Variants in BICC1 observed in about 807,000 individuals in gnomAD.
The protein encoded by BICC1 is BicC family RNA binding protein 1, also known as protein bicaudal C homolog 1.
Under a neutral mutation model 111.0 loss-of-function variants are expected in BICC1, and 43 were observed. The ratio of observed to expected loss-of-function variants is 0.39; its 90% confidence interval spans 0.30 to 0.50. The LOEUF (loss-of-function observed/expected upper bound fraction) is 0.50, where lower values mean the gene tolerates loss of function less well. Ranked by LOEUF, BICC1 falls within the 20% of genes least tolerant of loss-of-function variation. BICC1 has a pLI of 0.88. For missense variants in BICC1, 1,091 were observed against 1,203.2 expected (o/e 0.91, Z 1.38); for synonymous variants, 467 against 434.4 (o/e 1.07, Z -0.93).
intron 3 of BICC1, among the ~76,000 whole-genome samples, chr10:58,754,271 G>A (rs1465931863): frequency 2.0e-5 from 3 of 152,070 alleles, no homozygotes; most frequent in African/African-American, 7.2e-5. Flanking sequence ...TTAGTGTGTT[G>A]GAAATTTAGA....
intron 1 of BICC1, among the ~76,000 whole-genome samples, chr10:58,516,139 T>G (rs999482727): frequency 2.0e-5 from 3 of 152,194 alleles, no homozygotes; most frequent in African/African-American, 7.2e-5. Context: ...TTGGGTGTGC[T>G]ATTTTTCTAT....
chr10:58,707,432 G>A (rs866726868), intron 3 of BICC1, among the ~76,000 whole-genome samples: 12 of 151,992 alleles, frequency 7.9e-5, no homozygotes, highest in Admixed American at 3.3e-4. Flanking sequence ...CAACCTATTC[G>A]TGTGTCAGGT....
chr10:58,770,595 A>G (rs1374436423), intron 3 of BICC1, among the ~76,000 whole-genome samples: 1 of 152,194 alleles, frequency 6.6e-6, no homozygotes, highest in African/African-American at 2.4e-5. Flanking sequence ...CATAAAAAAA[A>G]ACACAAACAC....
intron 1 of BICC1, among the ~76,000 whole-genome samples, chr10:58,580,385 T>C (rs1369722007): frequency 6.6e-6 from 1 of 152,140 alleles, no homozygotes; most frequent in Non-Finnish European, 1.5e-5. Flanking sequence ...AAATTTGAAG[T>C]TCTCTAAAAT....
intron 1 of BICC1, among the ~76,000 whole-genome samples, chr10:58,611,803 T>C (rs1845432959): frequency 6.6e-6 from 1 of 152,126 alleles, no homozygotes; most frequent in Non-Finnish European, 1.5e-5. Flanking sequence ...ACATTCTGTT[T>C]TATACTTTAA....
intron 1 of BICC1, among the ~76,000 whole-genome samples, chr10:58,589,750 C>T (rs1589123507): frequency 1.3e-5 from 2 of 152,138 alleles, no homozygotes; most frequent in Non-Finnish European, 2.9e-5. Context: ...AATAGGATTA[C>T]AGGCATGAGC....
intron 20 of BICC1, among the ~76,000 whole-genome samples, chr10:58,824,867 A>G (rs1012506213): frequency 2.0e-5 from 3 of 152,160 alleles, no homozygotes; most frequent in African/African-American, 7.2e-5. Context: ...GTGTACTTGC[A>G]TGAGTTTGTC....
intron 1 of BICC1, among the ~76,000 whole-genome samples, chr10:58,559,626 T>A (rs1843549218): frequency 6.6e-6 from 1 of 152,156 alleles, no homozygotes; most frequent in Non-Finnish European, 1.5e-5. Context: ...AGTACTATGT[T>A]GAATGTGAGT....
chr10:58,518,111 C>T (rs903051083), intron 1 of BICC1, among the ~76,000 whole-genome samples: 6 of 152,066 alleles, frequency 3.9e-5, no homozygotes, highest in Admixed American at 1.3e-4. Flanking sequence ...TTGCTCAGGA[C>T]GAGAGGGCTT....
chr10:58,742,656 T>C (rs777927572), intron 3 of BICC1, among the ~76,000 whole-genome samples: 4 of 152,066 alleles, frequency 2.6e-5, no homozygotes, highest in South Asian at 4.1e-4. Flanking sequence ...CAGTCTGGTC[T>C]TGAACTCCTG....
chr10:58,716,193 A>G (rs1589054606), intron 3 of BICC1: 24 of 1,500,114 alleles, frequency 1.6e-5, no homozygotes, highest in Non-Finnish European at 2.2e-5. Context: ...GCAGTGAAGA[A>G]CGAGAAAAAG....
chr10:58,517,097 A>T (rs970715678), intron 1 of BICC1, among the ~76,000 whole-genome samples: 5 of 152,214 alleles, frequency 3.3e-5, no homozygotes, highest in African/African-American at 1.2e-4. Context: ...TTTAAAAAAA[A>T]TTTCCCATAT....
At chr10:58,520,627 A>G (rs1168610956) in intron 1 of BICC1, among the ~76,000 whole-genome samples, 5 of 152,182 alleles carry the variant, frequency 3.3e-5, no homozygotes, top group Non-Finnish European at 7.4e-5. Flanking sequence ...ATTAGTCTGC[A>G]TATTGAGTTG....
rs558502138 is a variant in BICC1 at position 58,789,484 on chromosome 10, C to T, written c.795+28C>T. On this transcript the variant is annotated intron_variant, in intron 7 of 20. Coordinates refer to ENST00000373886, the MANE Select transcript of BICC1 (RefSeq NM_001080512.3). ...AAATTATTCAGATAATTCTGCACATCCTATATGTACAAGTTACATGAGTTT... is the reference window on the plus strand; with the variant it reads ...AAATTATTCAGATAATTCTGCACATTCTATATGTACAAGTTACATGAGTTT... The T allele has an allele frequency of 1.4e-5, 22 of 1,571,094 alleles. No homozygotes were observed. The South Asian group carries it at 2.4e-4, about 17-fold the overall frequency.
intron 2 of BICC1, among the ~76,000 whole-genome samples, chr10:58,628,252 A>T (rs1005871223): frequency 6.6e-6 from 1 of 152,210 alleles, no homozygotes; most frequent in African/African-American, 2.4e-5. Flanking sequence ...GATAGATTGA[A>T]GTTGTTAATG....
intron 3 of BICC1, among the ~76,000 whole-genome samples, chr10:58,752,805 A>T (rs550362159): frequency 9.2e-5 from 14 of 152,178 alleles, no homozygotes; most frequent in Non-Finnish European, 1.6e-4. Context: ...CAGAAAACCC[A>T]ACCAGTAGTA....
intron 1 of BICC1, among the ~76,000 whole-genome samples, chr10:58,580,306 G>A (rs1421955282): frequency 1.3e-5 from 2 of 152,170 alleles, no homozygotes; most frequent in Admixed American, 1.3e-4. Flanking sequence ...TTACAGGTGT[G>A]AGCCACTTTG....
chr10:58,819,071 A>C (rs976780797), intron 19 of BICC1, among the ~76,000 whole-genome samples: 15 of 152,158 alleles, frequency 9.9e-5, no homozygotes, highest in African/African-American at 3.6e-4. Flanking sequence ...CTGTAGGCCA[A>C]CTGCCTGATT....
At chr10:58,810,580 T>G (rs952638004) in intron 17 of BICC1, among the ~76,000 whole-genome samples, 8 of 152,062 alleles carry the variant, frequency 5.3e-5, no homozygotes. Context: ...CATAGCATGG[T>G]CTGATTTTCT....
Sources: allele counts gnomAD v4.1 joint callset (sites outside exome capture counted in the v4.1 genomes callset), GRCh38; gene constraint gnomAD v4.1.1; transcripts MANE v1.5; gene names NCBI Gene and HGNC (gene_info 2026-07-23, HGNC 2026-07-21).